PIAS1: variants seen among roughly 807,000 people sequenced by gnomAD.
PIAS1 encodes the protein E3 SUMO-protein ligase PIAS1.
Under a neutral mutation model 71.3 loss-of-function variants are expected in PIAS1, and 6 were observed. The ratio of observed to expected loss-of-function variants is 0.08; its 90% CI spans 0.05 to 0.17. The LOEUF (loss-of-function observed/expected upper bound fraction) is 0.17. Among genes scored for constraint, PIAS1 ranks in the 10% least tolerant of loss-of-function variants. PIAS1 has a pLI of 1.00. For missense variants in PIAS1, 555 were observed against 793.6 expected (o/e 0.70, Z 3.61); for synonymous variants, 303 against 292.9 (o/e 1.03, Z -0.35).
rs1402936583 is a variant in PIAS1, at chr15:68,135,441, G to A, written c.470-6505G>A. On this transcript the variant is annotated intron_variant, in intron 2 of 13. Coordinates refer to ENST00000249636, the MANE Select transcript of PIAS1 (RefSeq NM_016166.3). ...GGCTCCCCACCTCCCAGCAGGGGTG[G>A]CTGGGCAGAGGCGCCCCCCACCCCC... Among the ~76,000 whole-genome samples the A allele has an allele frequency of 2.3e-4, 9 of 38,372 alleles. 2 individuals are homozygous for A. Among genetic ancestry groups the A allele is most frequent in the African/African-American group, 4.8e-4 (8 of 16,694 alleles). 25.2% of individuals were successfully genotyped at this position (38,372 alleles called of 152,430 possible).
intron 7 of PIAS1, among the ~76,000 whole-genome samples, chr15:68,163,811 G>A (rs886693498): frequency 2.6e-5 from 4 of 152,012 alleles, no homozygotes; most frequent in African/African-American, 4.8e-5. Context: ...CCCAACTTAC[G>A]GCCCCTTTGT....
At position 68,180,051 on chromosome 15, in the gene PIAS1, C is replaced by T. The variant is rs939272570; in HGVS notation, c.1482-1161C>T. On this transcript the variant is annotated intron_variant, in intron 11 of 13. Transcript: ENST00000249636. ...GGGTAACATATAACCCTTATGTTTC[C>T]TTCTAAGAGGGCTACTATAATTGTT... Among the ~76,000 whole-genome samples the T allele has an allele frequency of 3.3e-5, 5 of 152,112 alleles. No homozygotes were observed. The East Asian group carries it at 7.7e-4, about 23-fold the overall frequency.
At chr15:68,127,843 A>C (rs1054829406) in intron 2 of PIAS1, among the ~76,000 whole-genome samples, 4 of 151,908 alleles carry the variant, frequency 2.6e-5, no homozygotes, top group East Asian at 1.9e-4. Context: ...GCTCGCTGCA[A>C]CCTCCTCCTG....
At chr15:68,085,698 C>A (rs927724311) in intron 1 of PIAS1, among the ~76,000 whole-genome samples, 1 of 152,002 alleles carries the variant, frequency 6.6e-6, no homozygotes, top group Non-Finnish European at 1.5e-5. Context: ...TAATACCTTG[C>A]GGAGTTGTAA....
intron 6 of PIAS1, among the ~76,000 whole-genome samples, chr15:68,152,116 G>T (rs2092851563): frequency 6.6e-6 from 1 of 150,672 alleles, no homozygotes; most frequent in Admixed American, 6.6e-5. Context: ...CACCCGGCTA[G>T]TTTTTTGTAT....
intron 12 of PIAS1, among the ~76,000 whole-genome samples, chr15:68,182,390 C>G (rs920933433): frequency 1.3e-5 from 2 of 148,812 alleles, no homozygotes; most frequent in Non-Finnish European, 3.0e-5. Flanking sequence ...TTCCCTCTAC[C>G]TATCCCCCAA....
chr15:68,084,244 AC>A (rs1293113882), intron 1 of PIAS1, among the ~76,000 whole-genome samples: 1 of 152,074 alleles, frequency 6.6e-6, no homozygotes, highest in Non-Finnish European at 1.5e-5. Context: ...CAAAATTTGT[AC>A]TTTTTTTTTC....
chr15:68,056,363 C>G (rs1036155869), intron 1 of PIAS1, among the ~76,000 whole-genome samples: 27 of 152,202 alleles, frequency 1.8e-4, no homozygotes, highest in African/African-American at 6.5e-4. Context: ...GGGGATAGAT[C>G]AGATCCCTGG....
chr15:68,148,972 A>G (rs947347094), intron 6 of PIAS1, among the ~76,000 whole-genome samples: 4 of 151,986 alleles, frequency 2.6e-5, no homozygotes, highest in South Asian at 4.2e-4. Context: ...GCTAAGAGAA[A>G]GGGAGATGTG....
At chr15:68,155,176 G>C (rs78117892) in intron 7 of PIAS1, among the ~76,000 whole-genome samples, 214 of 152,274 alleles carry the variant, frequency 1.4e-3, no homozygotes, top group Non-Finnish European at 2.1e-3. Context: ...GGGAACGTGA[G>C]TCTGGAATTG....
chr15:68,182,120 T>G (rs998667178), intron 12 of PIAS1, among the ~76,000 whole-genome samples: 1 of 151,632 alleles, frequency 6.6e-6, no homozygotes, highest in Non-Finnish European at 1.5e-5. Context: ...TCTTAAAAAT[T>G]TTTTTTTTAA....
intron 7 of PIAS1, among the ~76,000 whole-genome samples, chr15:68,157,973 C>G (rs573324893): frequency 1.3e-5 from 2 of 152,314 alleles, no homozygotes; most frequent in South Asian, 4.1e-4. Flanking sequence ...CTCTCATATC[C>G]TGCTTTTATT....
intron 2 of PIAS1, among the ~76,000 whole-genome samples, chr15:68,126,344 A>G (rs779503189): frequency 6.6e-6 from 1 of 152,022 alleles, no homozygotes; most frequent in Non-Finnish European, 1.5e-5. Context: ...CAGCCTGTCT[A>G]TTGAGCTTTT....
intron 2 of PIAS1, 73 bp from the exon 3 acceptor site, chr15:68,141,872 TG>T (rs1188737401): frequency 5.5e-5 from 46 of 843,058 alleles, no homozygotes; most frequent in African/African-American, 1.1e-4. Flanking sequence ...AAGACATGTG[TG>T]TTTTTTTTTT....
chr15:68,156,445 T>C (rs1047831388), intron 7 of PIAS1, among the ~76,000 whole-genome samples: 1 of 151,958 alleles, frequency 6.6e-6, no homozygotes, highest in Non-Finnish European at 1.5e-5. Context: ...GGCTCACCCT[T>C]GTAATCCCAG....
At chr15:68,106,040 C>A (rs1489731156) in intron 2 of PIAS1, among the ~76,000 whole-genome samples, 4 of 151,918 alleles carry the variant, frequency 2.6e-5, no homozygotes, top group African/African-American at 9.7e-5. Flanking sequence ...CAACTGAGGT[C>A]CATTATAAAA....
Position 68,174,042 on chromosome 15 carries a change from A to C in PIAS1, c.1169+150A>C, listed in dbSNP as rs76400500. On this transcript the variant is annotated intron_variant, in intron 9 of 13. Transcript: ENST00000249636. This position sits in a 1 kb window ranked among gnomAD's most constrained non-coding sequence, Gnocchi z 4.0. ...CAATATTTTCAAAGTAATTTATTTC[A>C]AATTAGTGTTATGAATATTTTATCT... 1,199 of 470,872 alleles carry C rather than the reference A, an allele frequency of 2.5e-3. 11 individuals carry two copies. The highest frequency in any genetic ancestry group is 0.022 in the African/African-American group (1,084 of 50,026). The allele number at this position is 470,872 out of a possible 1,614,324, so 29.2% of individuals were successfully genotyped here.
chr15:68,132,061 G>GAA (rs913333428), intron 2 of PIAS1, among the ~76,000 whole-genome samples: 1 of 149,302 alleles, frequency 6.7e-6, no homozygotes, highest in African/African-American at 2.5e-5. Flanking sequence ...GAAAAGAAAA[G>GAA]AAAAAAAGAA....
chr15:68,146,285 CAT>C (rs1490846235), intron 5 of PIAS1, among the ~76,000 whole-genome samples: 1 of 152,126 alleles, frequency 6.6e-6, no homozygotes, highest in Non-Finnish European at 1.5e-5. Context: ...TACTACTACT[CAT>C]GTACCTATCT....
Sources: gnomAD v4.1 joint callset for allele counts (sites outside exome capture counted in the v4.1 genomes callset) on GRCh38, gnomAD v4.1.1 for gene constraint, Gnocchi (gnomAD v3.1) non-coding constraint, MANE v1.5 for transcripts, NCBI Gene and HGNC (gene_info 2026-07-23, HGNC 2026-07-21) for gene names.